The following ZRANB2 variants were observed in gnomAD, a reference collection of about 807,000 sequenced individuals.
ZRANB2 encodes the protein zinc finger RANBP2-type containing 2, also known as zinc finger Ran-binding domain-containing protein 2.
A neutral mutation model predicts 53.4 loss-of-function variants in ZRANB2; 19 were observed. That is an observed-to-expected ratio of 0.36 (90% CI 0.25 to 0.52). The LOEUF (loss-of-function observed/expected upper bound fraction) is 0.52. Ranked by LOEUF, ZRANB2 falls within the 20% of genes least tolerant of loss-of-function variation. ZRANB2 has a pLI of 0.93. For missense variants in ZRANB2, 309 were observed against 401.1 expected (o/e 0.77, Z 1.96); for synonymous variants, 145 against 134.8 (o/e 1.08, Z -0.52).
At chr1:71,072,061 T>C (rs1218855819) in intron 6 of ZRANB2, 60 bp downstream of exon 6, 11 of 1,559,540 alleles carry the variant, frequency 7.1e-6, no homozygotes, top group Non-Finnish European at 9.5e-6. Flanking sequence ...GTCAAAAGCA[T>C]TCATGTTATG....
At chr1:71,066,604 C>A in intron 9 of ZRANB2, 172 bp downstream of exon 9, 1 of 512,524 alleles carries the variant, frequency 2.0e-6, no homozygotes. Context: ...TCTAAACAAC[C>A]TGATCAAAGT....
intron 9 of ZRANB2, chr1:71,066,091 T>C (rs1033240096): frequency 1.1e-5 from 2 of 184,590 alleles, no homozygotes; most frequent in Non-Finnish European, 2.3e-5. Context: ...AGACTACAAA[T>C]AAAGCCATTA....
chr1:71,066,002 C>G, intron 9 of ZRANB2: 1 of 358,616 alleles, frequency 2.8e-6, no homozygotes, highest in Non-Finnish European at 5.0e-6. Flanking sequence ...ATGAGATAAT[C>G]CTACCACTGA....
Position 71,064,665 on chromosome 1 carries a change from T to G in ZRANB2, c.*409A>C, listed in dbSNP as rs1661381361. 2 of 154,322 alleles carry G rather than the reference T, an allele frequency of 1.3e-5. No homozygotes were observed. The highest frequency in any genetic ancestry group is 4.8e-5 in the African/African-American group (2 of 41,490). The allele number at this position is 154,322 out of a possible 1,614,324, so 9.6% of individuals were successfully genotyped here. On this transcript the variant is annotated 3_prime_UTR_variant, in exon 10 of 10. Transcript: ENST00000370920. The stretch of plus-strand genomic sequence containing the variant: ...TAACAGCATAAAAAGGCTGACTTTC[T>G]TTTCCATAAGTATGTTGTTTCCAAC...
rs770025280 is a variant in ZRANB2 at position 71,069,278 on chromosome 1, T to C, written c.768A>G (p.Ser256=). The change falls in exon 8 of 10, where the codon TCA becomes TCG. Residue 256 remains serine, a splice_region_variant and synonymous_variant. Coordinates refer to ENST00000370920, the MANE Select transcript of ZRANB2 (RefSeq NM_203350.3). ...RERSRSRGSK[S]RSSSRSHRGS... ...CAGAGAGATGCTACCTCATTCACCTTGATTTCGACCCACGAGATCTCGAAC... is the reference window on the plus strand; with the variant it reads ...CAGAGAGATGCTACCTCATTCACCTCGATTTCGACCCACGAGATCTCGAAC... The C allele has an allele frequency of 1.2e-6, 2 of 1,611,100 alleles. No homozygotes were observed. The highest frequency in any genetic ancestry group is 2.2e-5 in the East Asian group (1 of 44,734).
intron 9 of ZRANB2, 63 bp downstream of exon 9, chr1:71,066,713 A>G: frequency 6.6e-7 from 1 of 1,514,868 alleles, no homozygotes; most frequent in Non-Finnish European, 8.9e-7. Flanking sequence ...TGACTAGGAA[A>G]GTTTACTTTA....
intron 3 of ZRANB2, among the ~76,000 whole-genome samples, chr1:71,077,116 G>A (rs1557794542): frequency 6.6e-6 from 1 of 152,170 alleles, no homozygotes; most frequent in Admixed American, 6.5e-5. Context: ...AAGTGCCTCT[G>A]TCATTTTGAG....
At chr1:71,069,866 A>G (rs1468708468) in intron 7 of ZRANB2, among the ~76,000 whole-genome samples, 1 of 152,106 alleles carries the variant, frequency 6.6e-6, no homozygotes, top group Admixed American at 6.6e-5. Flanking sequence ...TAATTCTGTC[A>G]TTGTTAGGTA....
intron 1 of ZRANB2, among the ~76,000 whole-genome samples, chr1:71,080,061 G>A (rs983101746): frequency 6.6e-6 from 1 of 151,786 alleles, no homozygotes; most frequent in East Asian, 1.9e-4. Context: ...CTAAACCCAG[G>A]TTTATTTCAA....
chr1:71,066,431 T>G, intron 9 of ZRANB2: 1 of 176,700 alleles, frequency 5.7e-6, no homozygotes, highest in Non-Finnish European at 1.2e-5. Flanking sequence ...TATTAGTATT[T>G]AAAGAAGCCT....
In ZRANB2 at chr1:71,076,936, T is replaced by A. The variant is rs1037066492; in HGVS notation, c.219-59A>T. On this transcript the variant is annotated intron_variant, in intron 3 of 9. Coordinates refer to ENST00000370920, the MANE Select transcript of ZRANB2 (RefSeq NM_203350.3). ...ATAATATAGATGAATATCAAATTTT[T>A]AGATATTTTACAATTTTAAAATAAA... 20 of 1,249,538 alleles carry A rather than the reference T, an allele frequency of 1.6e-5. No individual in the cohort carries two copies. The African/African-American group carries it at 2.8e-4, about 17-fold the overall frequency. The allele number at this position is 1,249,538 out of a possible 1,614,324, so 77.4% of individuals were successfully genotyped here.
chr1:71,077,176 T>G (rs1340862348), intron 3 of ZRANB2, among the ~76,000 whole-genome samples: 1 of 151,976 alleles, frequency 6.6e-6, no homozygotes, highest in Non-Finnish European at 1.5e-5. Flanking sequence ...AATCCACAAA[T>G]CCAAAATCCA....
At chr1:71,078,613 T>A (rs545885249) in intron 2 of ZRANB2, 43 bp downstream of exon 2, 1 of 1,609,254 alleles carries the variant, frequency 6.2e-7, no homozygotes, top group Admixed American at 1.7e-5. Flanking sequence ...AATAAATAAA[T>A]GATACATATA....
intron 6 of ZRANB2, among the ~76,000 whole-genome samples, chr1:71,071,256 A>C (rs1260921226): frequency 6.6e-6 from 1 of 152,104 alleles, no homozygotes; most frequent in African/African-American, 2.4e-5. Context: ...AAGAATTTTC[A>C]AGTCCACCTC....
At chr1:71,072,442 A>G in intron 5 of ZRANB2, 30 bp downstream of exon 5, 2 of 1,561,626 alleles carry the variant, frequency 1.3e-6, no homozygotes, top group South Asian at 1.2e-5. Context: ...TCTAATTTAT[A>G]TTCAACCTGA....
chr1:71,077,221 G>T (rs910054533), intron 3 of ZRANB2, among the ~76,000 whole-genome samples: 1 of 152,080 alleles, frequency 6.6e-6, no homozygotes, highest in African/African-American at 2.4e-5. Flanking sequence ...TTTGAGAGAG[G>T]ACATGACACT....
At chr1:71,069,058 T>C (rs966053866) in intron 8 of ZRANB2, among the ~76,000 whole-genome samples, 1 of 152,166 alleles carries the variant, frequency 6.6e-6, no homozygotes, top group Non-Finnish European at 1.5e-5. Flanking sequence ...TATTGCAAAA[T>C]AGCCACCTGA....
chr1:71,080,655 AG>A (rs141618581), intron 1 of ZRANB2, among the ~76,000 whole-genome samples: 1,390 of 24,768 alleles, frequency 0.056, 16 homozygotes, highest in African/African-American at 0.17. Context: ...GGGGCGGGGG[AG>A]GGGGGTGGGG....
At chr1:71,068,777 T>C (rs1478899875) in intron 8 of ZRANB2, among the ~76,000 whole-genome samples, 1 of 151,948 alleles carries the variant, frequency 6.6e-6, no homozygotes, top group Non-Finnish European at 1.5e-5. Context: ...ACATATGTAA[T>C]TTTATTTGAA....
Sources: allele counts gnomAD v4.1 joint callset (sites outside exome capture counted in the v4.1 genomes callset), GRCh38; gene constraint gnomAD v4.1.1; transcripts MANE v1.5; gene names NCBI Gene and HGNC (gene_info 2026-07-23, HGNC 2026-07-21).